Variants in LRRC1 observed in about 807,000 individuals in gnomAD.
The protein encoded by LRRC1 is leucine rich repeat containing 1.
A neutral mutation model predicts 69.9 loss-of-function variants in LRRC1; 28 were observed. The ratio of observed to expected loss-of-function variants is 0.40; its 90% CI spans 0.30 to 0.55. The LOEUF (loss-of-function observed/expected upper bound fraction) is 0.55, where lower values mean the gene tolerates loss of function less well. LRRC1 is among the 20% of genes least tolerant of loss of function. LRRC1 has a pLI of 0.47. For synonymous variants in LRRC1, 236 were observed against 240.2 expected, an observed-to-expected ratio of 0.98 and a Z score of 0.16; for missense variants, 498 against 609.0, an observed-to-expected ratio of 0.82 and a Z score of 1.92.
chr6:53,840,930 G>GCA lies in LRRC1; in HGVS notation c.160-1180_160-1179insCA, dbSNP rs1562038901. 4.0e-5 allele frequency among the ~76,000 whole-genome samples: 5 copies of GCA among 124,330 alleles called. No homozygotes were observed. In the South Asian group the frequency reaches 7.7e-4, roughly 19 times the overall value. 81.6% of individuals were successfully genotyped at this position (124,330 alleles called of 152,430 possible). A position where few individuals can be genotyped will look rare whatever the true frequency, so the allele number is the denominator to read the frequency against. ...TGTGTGTGTGTGTGTGTGTGTGTGC[G>GCA]TGCGCGCACATTCTCTTTCTTGCAT... On this transcript the variant is annotated intron_variant, in intron 1 of 13. Coordinates refer to ENST00000370888, the MANE Select transcript of LRRC1 (RefSeq NM_018214.5).
intron 2 of LRRC1, among the ~76,000 whole-genome samples, chr6:53,861,749 T>C (rs2127423406): frequency 6.6e-6 from 1 of 151,994 alleles, no homozygotes; most frequent in Non-Finnish European, 1.5e-5. Context: ...CTTCTCTGTG[T>C]GTTACCCAGA....
rs1057407021 is a variant in LRRC1 at position 53,876,460 on chromosome 6, C to A, written c.278-2533C>A. On this transcript the variant is annotated intron_variant, in intron 2 of 13. Transcript: ENST00000370888. ...CCAACAATCCCCCAAACTCTTAACT[C>A]ATTTCAGCATTAACTCAAAAGTCCA... Among the ~76,000 whole-genome samples the A allele has an allele frequency of 4.6e-5, 7 of 152,172 alleles. No homozygotes were observed. The East Asian group carries it at 1.2e-3, about 25-fold the overall frequency.
intron 1 of LRRC1, among the ~76,000 whole-genome samples, chr6:53,841,797 C>T (rs1025621642): frequency 3.3e-5 from 5 of 151,896 alleles, no homozygotes; most frequent in South Asian, 2.1e-4. Flanking sequence ...TTTCATAAGT[C>T]GATATTTCTG....
intron 9 of LRRC1, among the ~76,000 whole-genome samples, chr6:53,904,164 A>C (rs1429901929): frequency 6.6e-6 from 1 of 152,222 alleles, no homozygotes; most frequent in African/African-American, 2.4e-5. Context: ...TTTTGACTTC[A>C]TTCCTTTAAA....
At chr6:53,884,924 G>C (rs893098024) in intron 4 of LRRC1, among the ~76,000 whole-genome samples, 4 of 152,038 alleles carry the variant, frequency 2.6e-5, no homozygotes, top group Admixed American at 2.6e-4. Flanking sequence ...GACTTAATCA[G>C]CTTCTGTTAC....
chr6:53,863,570 A>G (rs1436584349), intron 2 of LRRC1, among the ~76,000 whole-genome samples: 1 of 152,042 alleles, frequency 6.6e-6, no homozygotes, highest in East Asian at 1.9e-4. Context: ...TGTCTTGTCT[A>G]CCTCTCTGCT....
chr6:53,910,314 T>A (rs1296132856), intron 10 of LRRC1, among the ~76,000 whole-genome samples: 3 of 152,208 alleles, frequency 2.0e-5, no homozygotes, highest in African/African-American at 7.2e-5. Context: ...ACAGTGACTC[T>A]GCTTCCCAGA....
At chr6:53,859,853 C>A (rs1161958485) in intron 2 of LRRC1, among the ~76,000 whole-genome samples, 1 of 152,148 alleles carries the variant, frequency 6.6e-6, no homozygotes, top group Admixed American at 6.6e-5. Flanking sequence ...ATATTATAAT[C>A]TTAGAGCGAG....
At chr6:53,852,266 AATGAACACTCCGTATAG>A (rs1407458925) in intron 2 of LRRC1, among the ~76,000 whole-genome samples, 2 of 152,230 alleles carry the variant, frequency 1.3e-5, no homozygotes, top group Non-Finnish European at 2.9e-5. Context: ...CCTTTCATAG[AATGAACACTCCGTATAG>A]ATGCTGTAAT....
At chr6:53,804,614 G>A (rs1006909376) in intron 1 of LRRC1, among the ~76,000 whole-genome samples, 2 of 152,108 alleles carry the variant, frequency 1.3e-5, no homozygotes, top group African/African-American at 4.8e-5. Context: ...CATTGTATTG[G>A]ATATAGCACT....
chr6:53,876,232 A>G (rs1767064463), intron 2 of LRRC1, among the ~76,000 whole-genome samples: 1 of 152,194 alleles, frequency 6.6e-6, no homozygotes, highest in Non-Finnish European at 1.5e-5. Flanking sequence ...AATAACTATC[A>G]GATCTTGTGA....
intron 1 of LRRC1, among the ~76,000 whole-genome samples, chr6:53,818,238 A>C (rs1339381477): frequency 6.6e-6 from 1 of 152,192 alleles, no homozygotes; most frequent in East Asian, 1.9e-4. Flanking sequence ...CATGTGAATG[A>C]TACGGCTTTT....
intron 1 of LRRC1, 74 bp downstream of exon 1, chr6:53,795,489 C>G: frequency 1.4e-6 from 2 of 1,433,044 alleles, no homozygotes; most frequent in South Asian, 1.4e-5. Context: ...TCTCTCGTCC[C>G]CTCTTCCATC....
intron 2 of LRRC1, among the ~76,000 whole-genome samples, chr6:53,864,075 C>T (rs1766616467): frequency 6.6e-6 from 1 of 152,194 alleles, no homozygotes; most frequent in Non-Finnish European, 1.5e-5. Flanking sequence ...ACCACTCTGC[C>T]CTTGTCCTCT....
intron 4 of LRRC1, among the ~76,000 whole-genome samples, chr6:53,890,534 A>G (rs372609427): frequency 2.6e-5 from 4 of 152,066 alleles, no homozygotes; most frequent in African/African-American, 9.7e-5. Context: ...CAGCTTACCT[A>G]TATTATAAGT....
chr6:53,876,630 A>G (rs1009838486), intron 2 of LRRC1, among the ~76,000 whole-genome samples: 4 of 152,206 alleles, frequency 2.6e-5, no homozygotes, highest in African/African-American at 7.2e-5. Context: ...ATTGGCCAAA[A>G]CAAAGGAGCT....
intron 3 of LRRC1, among the ~76,000 whole-genome samples, chr6:53,881,988 T>C (rs1767306307): frequency 6.6e-6 from 1 of 152,214 alleles, no homozygotes; most frequent in African/African-American, 2.4e-5. Flanking sequence ...TCCCTTTGTG[T>C]AGAACATAGT....
chr6:53,891,833 A>G (rs985071585), intron 4 of LRRC1, among the ~76,000 whole-genome samples: 6 of 151,858 alleles, frequency 4.0e-5, no homozygotes, highest in African/African-American at 1.5e-4. Flanking sequence ...CTCTACTACA[A>G]ATACAAAAAT....
chr6:53,862,373 A>G (rs1030973136), intron 2 of LRRC1, among the ~76,000 whole-genome samples: 1 of 151,156 alleles, frequency 6.6e-6, no homozygotes, highest in African/African-American at 2.4e-5. Flanking sequence ...AAAAGTGCCA[A>G]ACTGTCCACA....
Sources: gnomAD v4.1 joint callset for allele counts (sites outside exome capture counted in the v4.1 genomes callset) on GRCh38, gnomAD v4.1.1 for gene constraint, MANE v1.5 for transcripts, NCBI Gene and HGNC (gene_info 2026-07-23, HGNC 2026-07-21) for gene names.